CSMD2: variants seen among roughly 807,000 people sequenced by gnomAD.
CSMD2 encodes CUB and sushi domain-containing protein 2.
In CSMD2, 130 loss-of-function variants were observed where a neutral mutation model predicts 398.5. The observed-to-expected ratio is 0.33, with a 90% CI of 0.28 to 0.38. The LOEUF (loss-of-function observed/expected upper bound fraction) is 0.38, where lower values mean the gene tolerates loss of function less well. Ranked by LOEUF, CSMD2 falls within the 10% of genes least tolerant of loss-of-function variation. The pLI is 1.00. For synonymous variants in CSMD2, 1,828 were observed against 1,908.5 expected (o/e 0.96, Z 1.10); for missense variants, 3,829 against 4,764.9 (o/e 0.80, Z 5.78).
At chr1:33,829,845 CA>C (rs1659290475) in intron 6 of CSMD2, among the ~76,000 whole-genome samples, 1 of 144,650 alleles carries the variant, frequency 6.9e-6, no homozygotes, top group Admixed American at 7.0e-5. Flanking sequence ...AATGGCACAC[CA>C]GGAGATTATA....
chr1:33,885,183 A>G (rs1270245648), intron 5 of CSMD2: 1 of 152,208 alleles, frequency 6.6e-6, no homozygotes, highest in Non-Finnish European at 1.5e-5. Flanking sequence ...GGTGATTCTT[A>G]AGCCCACATT....
intron 25 of CSMD2, among the ~76,000 whole-genome samples, chr1:33,669,307 T>C (rs1644414695): frequency 3.3e-5 from 5 of 152,176 alleles, no homozygotes. Flanking sequence ...GAGAGAAAGA[T>C]GGCAAAAGAG....
chr1:33,641,892 C>T (rs773304998), intron 29 of CSMD2, among the ~76,000 whole-genome samples: 3 of 152,162 alleles, frequency 2.0e-5, no homozygotes, highest in Non-Finnish European at 4.4e-5. Context: ...CTGCTCAATT[C>T]GTATTTACCG....
intron 3 of CSMD2, among the ~76,000 whole-genome samples, chr1:34,029,525 G>A (rs1650146248): frequency 6.6e-6 from 1 of 152,182 alleles, no homozygotes. Context: ...TCCACTGTGG[G>A]TGTTCCAAAA....
At chr1:33,722,360 A>G (rs1175118787) in intron 19 of CSMD2, among the ~76,000 whole-genome samples, 2 of 152,216 alleles carry the variant, frequency 1.3e-5, no homozygotes, top group Non-Finnish European at 2.9e-5. Context: ...TTTGATTCAC[A>G]TCACCAAGTC....
chr1:33,697,554 C>T (rs1385276105), intron 24 of CSMD2, among the ~76,000 whole-genome samples: 1 of 152,198 alleles, frequency 6.6e-6, no homozygotes, highest in African/African-American at 2.4e-5. Flanking sequence ...TGGCCTTTAA[C>T]ACTTCCCACC....
At chr1:33,637,097 T>C (rs1642853289) in intron 29 of CSMD2, among the ~76,000 whole-genome samples, 2 of 152,226 alleles carry the variant, frequency 1.3e-5, no homozygotes. Flanking sequence ...GCCCCATCTG[T>C]ACCACTGGCT....
At chr1:33,741,198 A>T (rs1045335271) in intron 14 of CSMD2, among the ~76,000 whole-genome samples, 1 of 152,062 alleles carries the variant, frequency 6.6e-6, no homozygotes, top group African/African-American at 2.4e-5. Flanking sequence ...ATTTCAAGTC[A>T]ACATAAGTTG....
At chr1:33,963,887 T>A (rs145251565) in intron 3 of CSMD2, among the ~76,000 whole-genome samples, 35 of 152,302 alleles carry the variant, frequency 2.3e-4, no homozygotes, top group Middle Eastern at 3.4e-3. Flanking sequence ...CAAGTCTTTG[T>A]GTGGACATAT....
intron 5 of CSMD2, among the ~76,000 whole-genome samples, chr1:33,872,186 T>C (rs1265391774): frequency 6.6e-6 from 1 of 152,138 alleles, no homozygotes; most frequent in South Asian, 2.1e-4. Context: ...ATGTACCTAA[T>C]AAACTTAGTG....
intron 49 of CSMD2, among the ~76,000 whole-genome samples, chr1:33,573,652 G>C (rs903266535): frequency 9.2e-5 from 14 of 152,088 alleles, no homozygotes; most frequent in African/African-American, 3.4e-4. Context: ...GAGAGAAAAT[G>C]ACAGAAAACA....
chr1:33,958,894 C>G (rs1645255915), intron 3 of CSMD2, among the ~76,000 whole-genome samples: 1 of 152,150 alleles, frequency 6.6e-6, no homozygotes. Context: ...AGAAAGAAAG[C>G]TGAAACAGTT....
At position 33,877,379 on chromosome 1, in the gene CSMD2, C is replaced by A. The variant is rs576410139; in HGVS notation, c.921-30383G>T. Among the ~76,000 whole-genome samples the A allele has an allele frequency of 2.0e-5, 3 of 152,290 alleles. No homozygotes were observed. The South Asian group carries it at 6.2e-4, about 32-fold the overall frequency. On this transcript the variant is annotated intron_variant, in intron 5 of 70. Transcript: ENST00000373381. ...AGTCCTTGTCCCACTGGACTTGTCC[C>A]CCTTGTCGCACTGGGGGAGATGAGG...
intron 3 of CSMD2, among the ~76,000 whole-genome samples, chr1:33,962,066 C>T (rs1003562665): frequency 6.6e-6 from 1 of 152,144 alleles, no homozygotes; most frequent in African/African-American, 2.4e-5. Flanking sequence ...GGTACACTAG[C>T]TGTTTGGGAT....
intron 14 of CSMD2, among the ~76,000 whole-genome samples, chr1:33,739,719 T>C (rs1265618202): frequency 1.3e-5 from 2 of 152,146 alleles, no homozygotes; most frequent in African/African-American, 4.8e-5. Context: ...CAATGTCAAA[T>C]CCATTCCAAG....
At position 33,643,889 on chromosome 1, in the gene CSMD2, T is replaced by TGAAGGAAGGAAGGAAG. The variant is rs3078758; in HGVS notation, c.4774+2743_4774+2758dup. On this transcript the variant is annotated intron_variant, in intron 29 of 70. Coordinates refer to ENST00000373381, the MANE Select transcript of CSMD2 (RefSeq NM_001281956.2). ...TATTAGGAGGTGTGTAGTCTGGGAATGAAGGAAGGAAGGAAGGAAGGAAGG... is the reference window on the plus strand; with the variant it reads ...TATTAGGAGGTGTGTAGTCTGGGAATGAAGGAAGGAAGGAAGGAAGGAAGGAAGGAAGGAAGGAAGG... Among the ~76,000 whole-genome samples the TGAAGGAAGGAAGGAAG allele has an allele frequency of 1.6e-3, 235 of 142,908 alleles. 1 individual carries two copies. The highest frequency in any genetic ancestry group is 5.5e-3 in the African/African-American group (210 of 38,064). 93.8% of individuals were successfully genotyped at this position (142,908 alleles called of 152,430 possible).
In CSMD2 at chr1:33,926,818, G is replaced by A. The variant is rs115096909; in HGVS notation, c.713-8517C>T. ...ATTTATGATCGACTTTAAGTTCTAC[G>A]GAAATCTCTTCAATTAGCCATAATT... On this transcript the variant is annotated intron_variant, in intron 4 of 70. Transcript: ENST00000373381. Among the ~76,000 whole-genome samples the A allele has an allele frequency of 4.8e-3, 734 of 152,184 alleles. 10 individuals carry two copies. Among genetic ancestry groups the A allele is most frequent in the African/African-American group, 0.017 (705 of 41,516 alleles).
chr1:33,709,431 T>TAA, intron 21 of CSMD2, 173 bp from the exon 22 acceptor site: 2 of 507,000 alleles, frequency 3.9e-6, no homozygotes, highest in Non-Finnish European at 6.9e-6. Context: ...CTCTCAAACT[T>TAA]AAAAAAAAAA....
intron 5 of CSMD2, among the ~76,000 whole-genome samples, chr1:33,892,847 C>G (rs893152878): frequency 1.2e-4 from 18 of 152,162 alleles, no homozygotes; most frequent in Admixed American, 1.3e-4. Flanking sequence ...TTCTCTTTCC[C>G]TCTGAGTCTG....
Sources: allele counts gnomAD v4.1 joint callset (sites outside exome capture counted in the v4.1 genomes callset), GRCh38; gene constraint gnomAD v4.1.1; transcripts MANE v1.5; gene names NCBI Gene and HGNC (gene_info 2026-07-23, HGNC 2026-07-21).